The following BNC2 variants were observed in gnomAD, a reference collection of about 807,000 sequenced individuals.
BNC2 encodes the protein basonuclin zinc finger protein 2.
Under a neutral mutation model 76.3 loss-of-function variants are expected in BNC2, and 20 were observed. The ratio of observed to expected loss-of-function variants is 0.26; its 90% CI spans 0.18 to 0.38. The LOEUF is 0.38. Ranked by LOEUF, BNC2 falls within the 10% of genes least tolerant of loss-of-function variation. BNC2 has a pLI of 1.00. For synonymous variants in BNC2, 582 were observed against 514.8 expected, an observed-to-expected ratio of 1.13 and a Z score of -1.77; for missense variants, 1,382 against 1,399.8, an observed-to-expected ratio of 0.99 and a Z score of 0.20.
Position 16,436,359 on chromosome 9 carries a change from A to G in BNC2, c.1835T>C (p.Val612Ala). The change falls in exon 6 of 7, where the codon GTA becomes GCA. Residue 612 changes from valine (V) to alanine (A), a missense_variant. Physicochemically the swap from Val to Ala is moderately conservative, Grantham distance 64. Transcript: ENST00000380672. ...EQHPPPPSEPVVPAVMMATHE... is the reference protein window; with the variant it reads ...EQHPPPPSEPAVPAVMMATHE... ...GGTGGCCATCATCACTGCTGGCACT[A>G]CTGGCTCAGAGGGTGGCGGGGGGTG... The G allele has an allele frequency of 6.2e-7, 1 of 1,614,074 alleles. No individual in the cohort carries two copies. Among genetic ancestry groups the G allele is most frequent in the Non-Finnish European group, 8.5e-7 (1 of 1,180,018 alleles).
At chr9:16,706,660 TTTTC>T (rs1394123217) in intron 3 of BNC2, among the ~76,000 whole-genome samples, 53 of 152,184 alleles carry the variant, frequency 3.5e-4, no homozygotes, top group Admixed American at 2.0e-4. Flanking sequence ...TAAAAGACTT[TTTTC>T]TTTTTCTTTC....
intron 5 of BNC2, among the ~76,000 whole-genome samples, chr9:16,458,663 A>G (rs867052664): frequency 8.5e-5 from 13 of 152,234 alleles, no homozygotes; most frequent in African/African-American, 2.2e-4. Context: ...GCAAGAACAC[A>G]CTGACCTTCA....
intron 3 of BNC2, chr9:16,685,470 T>G: frequency 2.2e-6 from 2 of 896,700 alleles, no homozygotes; most frequent in Non-Finnish European, 3.2e-6. Flanking sequence ...ATGACGCTGA[T>G]ATACCCAAAT....
chr9:16,692,213 T>G (rs1823194556), intron 3 of BNC2, among the ~76,000 whole-genome samples: 1 of 152,228 alleles, frequency 6.6e-6, no homozygotes, highest in African/African-American at 2.4e-5. Flanking sequence ...CACAGGTTGT[T>G]GCTTATGGGC....
At chr9:16,610,303 T>C (rs1457555569) in intron 3 of BNC2, among the ~76,000 whole-genome samples, 1 of 152,154 alleles carries the variant, frequency 6.6e-6, no homozygotes, top group Non-Finnish European at 1.5e-5. Flanking sequence ...ATGGTTTTCA[T>C]GCCTGCCAGA....
intron 3 of BNC2, among the ~76,000 whole-genome samples, chr9:16,722,305 T>C (rs1241785346): frequency 6.6e-6 from 1 of 152,176 alleles, no homozygotes; most frequent in Non-Finnish European, 1.5e-5. Context: ...ATCTAATTAG[T>C]CAGGGAGGAT....
chr9:16,550,340 A>T (rs533987866), intron 5 of BNC2, among the ~76,000 whole-genome samples: 1 of 152,356 alleles, frequency 6.6e-6, no homozygotes, highest in African/African-American at 2.4e-5. Context: ...AATGTGGCCC[A>T]GGAAGCCAAA....
chr9:16,706,769 T>TAAA (rs1025308236), intron 3 of BNC2, among the ~76,000 whole-genome samples: 7 of 151,790 alleles, frequency 4.6e-5, no homozygotes, highest in African/African-American at 9.7e-5. Flanking sequence ...AATTAATTTT[T>TAAA]AAAAAAAAGG....
intron 1 of BNC2, among the ~76,000 whole-genome samples, chr9:16,842,129 A>C (rs1332520078): frequency 6.6e-6 from 1 of 152,152 alleles, no homozygotes; most frequent in Non-Finnish European, 1.5e-5. Context: ...TATTTAATGC[A>C]CATATTTTTT....
intron 1 of BNC2, among the ~76,000 whole-genome samples, chr9:16,806,921 C>A (rs1416010197): frequency 6.6e-6 from 1 of 152,182 alleles, no homozygotes; most frequent in Non-Finnish European, 1.5e-5. Context: ...CATCCAGAAT[C>A]TGTCTTTGTC....
chr9:16,551,397 A>C (rs951547329), intron 5 of BNC2, among the ~76,000 whole-genome samples: 4 of 152,198 alleles, frequency 2.6e-5, no homozygotes, highest in Non-Finnish European at 5.9e-5. Context: ...GCCAGGTTAA[A>C]ACGAGAGGTA....
chr9:16,489,658 A>G (rs756542754), intron 5 of BNC2, among the ~76,000 whole-genome samples: 7 of 152,192 alleles, frequency 4.6e-5, no homozygotes, highest in Admixed American at 6.5e-5. Flanking sequence ...CTCTCAGTTG[A>G]TATTTTATGT....
At chr9:16,554,677 G>A (rs2132567490) in intron 4 of BNC2, among the ~76,000 whole-genome samples, 1 of 152,284 alleles carries the variant, frequency 6.6e-6, no homozygotes, top group South Asian at 2.1e-4. Context: ...TTCAAGTACA[G>A]CTTAACTACT....
intron 1 of BNC2, among the ~76,000 whole-genome samples, chr9:16,770,145 A>G (rs1052987689): frequency 2.0e-5 from 3 of 152,192 alleles, no homozygotes; most frequent in Non-Finnish European, 4.4e-5. Context: ...CCATGGCTCA[A>G]TGCTAACCTG....
chr9:16,629,129 T>C (rs1004545602), intron 3 of BNC2, among the ~76,000 whole-genome samples: 3 of 152,226 alleles, frequency 2.0e-5, no homozygotes, highest in African/African-American at 4.8e-5. Flanking sequence ...AGAAGTCAAA[T>C]GTAAGGACTA....
At chr9:16,650,992 A>C (rs1314922396) in intron 3 of BNC2, among the ~76,000 whole-genome samples, 1 of 152,154 alleles carries the variant, frequency 6.6e-6, no homozygotes, top group Non-Finnish European at 1.5e-5. Flanking sequence ...AACCATTTCT[A>C]TATGCCTCGG....
chr9:16,574,255 G>T (rs544056440), intron 4 of BNC2, among the ~76,000 whole-genome samples: 104 of 152,222 alleles, frequency 6.8e-4, no homozygotes, highest in African/African-American at 2.4e-3. Flanking sequence ...AAAAATTTAT[G>T]ATGTAATAAA....
chr9:16,591,234 G>C (rs1055636546), intron 3 of BNC2, among the ~76,000 whole-genome samples: 1 of 152,090 alleles, frequency 6.6e-6, no homozygotes, highest in Non-Finnish European at 1.5e-5. Context: ...CAACTACTAA[G>C]CTTACTTAAG....
intron 5 of BNC2, among the ~76,000 whole-genome samples, chr9:16,518,657 G>A (rs1361997606): frequency 6.6e-6 from 1 of 152,046 alleles, no homozygotes; most frequent in Non-Finnish European, 1.5e-5. Flanking sequence ...CTGGAGTGCA[G>A]TAGCACCGTC....
Sources: allele counts gnomAD v4.1 joint callset (sites outside exome capture counted in the v4.1 genomes callset), GRCh38; gene constraint gnomAD v4.1.1; transcripts MANE v1.5; gene names NCBI Gene and HGNC (gene_info 2026-07-23, HGNC 2026-07-21).